STAG1: variants seen among roughly 807,000 people sequenced by gnomAD.
STAG1 encodes the protein cohesin subunit SA-1.
A neutral mutation model predicts 170.9 loss-of-function variants in STAG1; 26 were observed. The observed-to-expected ratio is 0.15, with a 90% CI of 0.11 to 0.21. The LOEUF is 0.21. STAG1 is among the 10% of genes least tolerant of loss of function. The probability of loss-of-function intolerance (pLI) is 1.00; values close to 1 mark genes in which losing one functional copy is unlikely to be tolerated. For synonymous variants in STAG1, 514 were observed against 497.7 expected, an observed-to-expected ratio of 1.03 and a Z score of -0.44; for missense variants, 964 against 1,509.5, an observed-to-expected ratio of 0.64 and a Z score of 5.99.
intron 2 of STAG1, among the ~76,000 whole-genome samples, chr3:136,626,944 G>GA (rs1940128488): frequency 1.3e-5 from 2 of 152,164 alleles, no homozygotes; most frequent in Non-Finnish European, 2.9e-5. Flanking sequence ...CAAATACTAT[G>GA]TTTCGTATTT....
At chr3:136,411,420 A>T (rs1374216431) in intron 21 of STAG1, among the ~76,000 whole-genome samples, 1 of 152,214 alleles carries the variant, frequency 6.6e-6, no homozygotes, top group Non-Finnish European at 1.5e-5. Context: ...ACAAAGTCAC[A>T]AAACAGAATA....
At chr3:136,645,823 T>C (rs563313427) in intron 1 of STAG1, among the ~76,000 whole-genome samples, 13 of 152,310 alleles carry the variant, frequency 8.5e-5, no homozygotes, top group South Asian at 2.1e-4. Flanking sequence ...ATCAGTGCCA[T>C]CTACTCACTT....
chr3:136,606,878 A>G (rs888103096), intron 3 of STAG1, among the ~76,000 whole-genome samples: 1 of 151,378 alleles, frequency 6.6e-6, no homozygotes, highest in African/African-American at 2.4e-5. Context: ...CCTCCCGAGT[A>G]GCTGAAACTA....
At chr3:136,572,800 T>C (rs991667832) in intron 4 of STAG1, among the ~76,000 whole-genome samples, 1 of 152,116 alleles carries the variant, frequency 6.6e-6, no homozygotes, top group Non-Finnish European at 1.5e-5. Context: ...CTGACCCTGA[T>C]ATATTGGTTA....
At chr3:136,512,823 G>C (rs2107888661) in intron 7 of STAG1, among the ~76,000 whole-genome samples, 1 of 151,868 alleles carries the variant, frequency 6.6e-6, no homozygotes, top group South Asian at 2.1e-4. Context: ...CATCATGCCA[G>C]AGGTGAACAC....
In STAG1 at chr3:136,349,367, G is replaced by T. The variant is rs1268657053; in HGVS notation, c.3066-4C>A. The T allele has an allele frequency of 1.9e-6, 3 of 1,608,866 alleles. No homozygotes were observed. In the Admixed American group the frequency reaches 5.0e-5, roughly 27 times the overall value. On this transcript the variant is annotated splice_polypyrimidine_tract_variant and splice_region_variant and intron_variant, in intron 28 of 33. Transcript: ENST00000383202. ...GAATTTCTCTAGGTATGAATGACTA[G>T]AAACACAATAGAAACAGCAGTGATT...
intron 7 of STAG1, among the ~76,000 whole-genome samples, chr3:136,515,473 TATTTC>T (rs1934322616): frequency 6.6e-6 from 1 of 152,216 alleles, no homozygotes; most frequent in Admixed American, 6.5e-5. Flanking sequence ...AAAGATAAAT[TATTTC>T]ATTTAAGCTT....
intron 21 of STAG1, among the ~76,000 whole-genome samples, chr3:136,405,895 C>T (rs1036524058): frequency 6.7e-6 from 1 of 149,428 alleles, no homozygotes; most frequent in African/African-American, 2.5e-5. Flanking sequence ...TTATCAAGTA[C>T]CAATGACGAT....
chr3:136,487,371 G>A (rs1384166290), intron 9 of STAG1, among the ~76,000 whole-genome samples: 1 of 152,106 alleles, frequency 6.6e-6, no homozygotes, highest in Non-Finnish European at 1.5e-5. Flanking sequence ...GCTTTATCTA[G>A]TCTATCACTG....
intron 7 of STAG1, among the ~76,000 whole-genome samples, chr3:136,519,117 T>C (rs116330348): frequency 0.015 from 2,208 of 152,216 alleles, 33 homozygotes; most frequent in Non-Finnish European, 0.023. Flanking sequence ...TACATGGCAG[T>C]GAAGGACAAA....
intron 7 of STAG1, among the ~76,000 whole-genome samples, chr3:136,511,373 C>G (rs1934055495): frequency 6.6e-6 from 1 of 152,180 alleles, no homozygotes; most frequent in Middle Eastern, 3.2e-3. Context: ...ACTACTCATA[C>G]TGGTAAAGAC....
intron 1 of STAG1, among the ~76,000 whole-genome samples, chr3:136,708,329 C>T (rs928295264): frequency 3.3e-5 from 5 of 151,512 alleles, no homozygotes; most frequent in African/African-American, 7.3e-5. Context: ...GCTATAACTT[C>T]GATAAACATT....
At chr3:136,374,041 T>G (rs573167519) in intron 23 of STAG1, among the ~76,000 whole-genome samples, 17 of 152,314 alleles carry the variant, frequency 1.1e-4, no homozygotes, top group African/African-American at 2.6e-4. Context: ...TGGGTGCATA[T>G]ATATTTAGGA....
At chr3:136,678,850 CAAA>C (rs559610524) in intron 1 of STAG1, among the ~76,000 whole-genome samples, 1 of 35,412 alleles carries the variant, frequency 2.8e-5, no homozygotes, top group Non-Finnish European at 6.0e-5. Flanking sequence ...CCCATGCTCA[CAAA>C]AAAAAAAAAA....
At chr3:136,604,814 T>C (rs904748352) in intron 3 of STAG1, among the ~76,000 whole-genome samples, 2 of 152,014 alleles carry the variant, frequency 1.3e-5, no homozygotes, top group African/African-American at 2.4e-5. Context: ...CACGACCAGT[T>C]AATTTTTGTA....
At chr3:136,539,817 C>T (rs960255609) in intron 6 of STAG1, among the ~76,000 whole-genome samples, 3 of 152,128 alleles carry the variant, frequency 2.0e-5, no homozygotes, top group Non-Finnish European at 4.4e-5. Context: ...CTGTTTGTAA[C>T]AAAGAATAGG....
In STAG1 at chr3:136,452,133, T is replaced by C. The variant is rs1329926611; in HGVS notation, c.1328A>G (p.His443Arg). 1.2e-6 allele frequency: 2 copies of C among 1,612,850 alleles called. No homozygotes were observed. Among genetic ancestry groups the C allele is most frequent in the South Asian group, 1.1e-5 (1 of 90,992 alleles). ...EFLHKKLFSRHDPQAEEALAK... is the reference protein window; with the variant it reads ...EFLHKKLFSRRDPQAEEALAK... ...TAATGCTTCTTCTGCTTGTGGGTCA[T>C]GTCTGCTAAATAGCCTGGAAATGAA... is the stretch of plus-strand genomic sequence containing the variant. The change falls in exon 14 of 34, where the codon CAT becomes CGT. Residue 443 changes from histidine to arginine, a missense_variant. His to Arg is a conservative substitution (Grantham distance 29). Coordinates refer to ENST00000383202, the MANE Select transcript of STAG1 (RefSeq NM_005862.3).
At chr3:136,473,473 T>C in intron 11 of STAG1, 66 bp downstream of exon 11, 1 of 1,206,868 alleles carries the variant, frequency 8.3e-7, no homozygotes, top group Non-Finnish European at 1.2e-6. Flanking sequence ...TGTAATTTGC[T>C]AAACTAGCTG....
chr3:136,709,236 G>A (rs113801295), intron 1 of STAG1, among the ~76,000 whole-genome samples: 81 of 151,988 alleles, frequency 5.3e-4, no homozygotes, highest in Non-Finnish European at 3.1e-4. Context: ...GCTGAAGTGA[G>A]CCGAGATCAT....
Sources: gnomAD v4.1 joint callset for allele counts (sites outside exome capture counted in the v4.1 genomes callset) on GRCh38, gnomAD v4.1.1 for gene constraint, MANE v1.5 for transcripts, NCBI Gene and HGNC (gene_info 2026-07-23, HGNC 2026-07-21) for gene names.